The following GTF2F2 variants were observed in gnomAD, a reference collection of about 807,000 sequenced individuals.
GTF2F2 encodes general transcription factor IIF subunit 2, also known as ATP-dependent helicase GTF2F2.
GTF2F2 carries 23 observed loss-of-function variants against 42.2 expected under a neutral mutation model. The ratio of observed to expected loss-of-function variants is 0.55; its 90% confidence interval spans 0.39 to 0.77. The LOEUF is 0.77. Among genes scored for constraint, GTF2F2 ranks in the 30% least tolerant of loss-of-function variants. GTF2F2 has a pLI of 0.00. For synonymous variants in GTF2F2, 105 were observed against 100.8 expected (o/e 1.04, Z -0.25); for missense variants, 261 against 287.2 (o/e 0.91, Z 0.66).
chr13:45,185,182 C>G (rs1872360168), intron 4 of GTF2F2, among the ~76,000 whole-genome samples: 1 of 152,106 alleles, frequency 6.6e-6, no homozygotes, highest in Non-Finnish European at 1.5e-5. Context: ...ATGTTGTATT[C>G]TGTAACAGCA....
intron 6 of GTF2F2, among the ~76,000 whole-genome samples, chr13:45,264,989 G>C (rs989897485): frequency 1.3e-5 from 2 of 152,132 alleles, no homozygotes; most frequent in Non-Finnish European, 2.9e-5. Flanking sequence ...GGCCAGGCGT[G>C]GTGGCTCACG....
At chr13:45,143,338 A>G (rs1328251489) in intron 2 of GTF2F2, among the ~76,000 whole-genome samples, 1 of 152,230 alleles carries the variant, frequency 6.6e-6, no homozygotes, top group Non-Finnish European at 1.5e-5. Flanking sequence ...GCAGTGTGGC[A>G]TACTGGTTAT....
chr13:45,249,894 C>T (rs1345066011), intron 5 of GTF2F2, among the ~76,000 whole-genome samples: 4 of 152,080 alleles, frequency 2.6e-5, no homozygotes, highest in African/African-American at 7.2e-5. Context: ...CCACTCCCAT[C>T]CCCCACCAAG....
At chr13:45,220,491 T>C (rs916453401) in intron 5 of GTF2F2, among the ~76,000 whole-genome samples, 7 of 152,084 alleles carry the variant, frequency 4.6e-5, no homozygotes, top group Admixed American at 2.6e-4. Flanking sequence ...CTTCATCATA[T>C]AAGTATTTTC....
chr13:45,216,313 C>CT (rs1448551554), intron 5 of GTF2F2, among the ~76,000 whole-genome samples: 1 of 152,124 alleles, frequency 6.6e-6, no homozygotes, highest in Non-Finnish European at 1.5e-5. Context: ...GATATTTTCA[C>CT]TTTAAGATAG....
chr13:45,226,014 C>T (rs1282974140), intron 5 of GTF2F2, among the ~76,000 whole-genome samples: 1 of 151,738 alleles, frequency 6.6e-6, no homozygotes, highest in African/African-American at 2.4e-5. Context: ...CTGTTTTCTT[C>T]CTTTTATGGG....
intron 1 of GTF2F2, among the ~76,000 whole-genome samples, chr13:45,135,105 C>T (rs1478220665): frequency 6.6e-6 from 1 of 152,056 alleles, no homozygotes; most frequent in African/African-American, 2.4e-5. Context: ...AGGCATGTGC[C>T]ACTGCGCCCA....
At chr13:45,193,774 C>A in intron 4 of GTF2F2, 1 of 1,554,844 alleles carries the variant, frequency 6.4e-7, no homozygotes, top group Admixed American at 2.1e-5. Flanking sequence ...TGCCTTTGTT[C>A]GTGACACAGG....
chr13:45,192,766 ACAAT>A (rs1330246751), intron 4 of GTF2F2: 1 of 152,242 alleles, frequency 6.6e-6, no homozygotes, highest in Non-Finnish European at 1.5e-5. Flanking sequence ...GGTATTGAAA[ACAAT>A]CAAAGTTCTT....
intron 4 of GTF2F2, chr13:45,206,317 A>G (rs932045667): frequency 3.9e-5 from 6 of 152,210 alleles, no homozygotes; most frequent in African/African-American, 9.7e-5. Flanking sequence ...GCATGGTTCT[A>G]TACACTTTCT....
intron 3 of GTF2F2, among the ~76,000 whole-genome samples, chr13:45,151,480 TC>T (rs1458156495): frequency 2.0e-5 from 3 of 152,126 alleles, no homozygotes; most frequent in Non-Finnish European, 4.4e-5. Context: ...TGCCTCAGCC[TC>T]CCAAGTAGCG....
chr13:45,177,753 G>A (rs1410899198), intron 4 of GTF2F2, among the ~76,000 whole-genome samples: 1 of 152,110 alleles, frequency 6.6e-6, no homozygotes, highest in Non-Finnish European at 1.5e-5. Context: ...AATATATGTT[G>A]AGGTTGCTAA....
At chr13:45,261,778 A>G (rs1287605231) in intron 6 of GTF2F2, among the ~76,000 whole-genome samples, 1 of 152,216 alleles carries the variant, frequency 6.6e-6, no homozygotes, top group Non-Finnish European at 1.5e-5. Flanking sequence ...ACATTATCTC[A>G]AAACTGTAAT....
chr13:45,133,480 T>C (rs1006692525), intron 1 of GTF2F2, among the ~76,000 whole-genome samples: 3 of 152,194 alleles, frequency 2.0e-5, no homozygotes, highest in East Asian at 1.9e-4. Context: ...TCCCTCAACA[T>C]AGGGAGAAGA....
intron 4 of GTF2F2, among the ~76,000 whole-genome samples, chr13:45,190,163 AC>A (rs1160243073): frequency 6.6e-6 from 1 of 152,136 alleles, no homozygotes; most frequent in Non-Finnish European, 1.5e-5. Flanking sequence ...CAAGAAAAAA[AC>A]AACCCCATAA....
intron 4 of GTF2F2, among the ~76,000 whole-genome samples, chr13:45,185,316 A>C (rs1001637537): frequency 6.6e-6 from 1 of 152,130 alleles, no homozygotes; most frequent in South Asian, 2.1e-4. Context: ...TGGGAACCAA[A>C]ATGTATTTTA....
At chr13:45,235,234 C>T (rs868060509) in intron 5 of GTF2F2, among the ~76,000 whole-genome samples, 4 of 151,518 alleles carry the variant, frequency 2.6e-5, no homozygotes, top group South Asian at 2.1e-4. Flanking sequence ...ATTATATTAC[C>T]GGTAATTTCC....
rs192611088 is a variant in GTF2F2, at chr13:45,269,060, G to C, written c.630+1684G>C. The stretch of plus-strand genomic sequence containing the variant: ...CTGGGGAACATATCATCCATAGTTT[G>C]TATCAGATTCTCATAGAAGCCGCTG... On this transcript the variant is annotated intron_variant, in intron 7 of 7. Transcript: ENST00000340473. Among the ~76,000 whole-genome samples the C allele has an allele frequency of 2.2e-3, 328 of 152,146 alleles. 3 individuals are homozygous for C. The highest frequency in any genetic ancestry group is 7.5e-3 in the African/African-American group (313 of 41,494).
chr13:45,217,364 A>G (rs542460099), intron 5 of GTF2F2, among the ~76,000 whole-genome samples: 1 of 151,822 alleles, frequency 6.6e-6, no homozygotes, highest in Admixed American at 6.6e-5. Flanking sequence ...CTTCACACAG[A>G]ATAAGTACCA....
Sources: allele counts gnomAD v4.1 joint callset (sites outside exome capture counted in the v4.1 genomes callset), GRCh38; gene constraint gnomAD v4.1.1; transcripts MANE v1.5; gene names NCBI Gene and HGNC (gene_info 2026-07-23, HGNC 2026-07-21).